FBXL5: variants seen among roughly 807,000 people sequenced by gnomAD.
FBXL5 encodes the protein F-box and leucine rich repeat protein 5.
A neutral mutation model predicts 78.3 loss-of-function variants in FBXL5; 26 were observed. The ratio of observed to expected loss-of-function variants is 0.33; its 90% CI spans 0.24 to 0.46. The LOEUF is 0.46. Ranked by LOEUF, FBXL5 falls within the 20% of genes least tolerant of loss-of-function variation. The pLI is 1.00. For synonymous variants in FBXL5, 295 were observed against 282.5 expected (o/e 1.04, Z -0.45); for missense variants, 710 against 829.2 (o/e 0.86, Z 1.77).
intron 10 of FBXL5, among the ~76,000 whole-genome samples, chr4:15,608,613 A>C (rs1042901831): frequency 7.3e-5 from 11 of 151,614 alleles, no homozygotes; most frequent in Non-Finnish European, 1.2e-4. Context: ...AAGAACTCTG[A>C]ATACATTTTA....
intron 1 of FBXL5, among the ~76,000 whole-genome samples, chr4:15,668,678 A>G (rs1284630301): frequency 6.6e-6 from 1 of 152,214 alleles, no homozygotes; most frequent in African/African-American, 2.4e-5. Flanking sequence ...AAATTAAAAA[A>G]GCTATTTGGA....
intron 1 of FBXL5, among the ~76,000 whole-genome samples, chr4:15,652,484 T>C (rs1390731419): frequency 6.6e-6 from 1 of 152,152 alleles, no homozygotes; most frequent in Non-Finnish European, 1.5e-5. Context: ...AACCTTTCCA[T>C]AAAACTTTTT....
Position 15,624,526 on chromosome 4 carries a change from C to G in FBXL5, c.1850+726G>C, listed in dbSNP as rs534513442. Among the ~76,000 whole-genome samples, 427 of 151,550 alleles carry G rather than the reference C, an allele frequency of 2.8e-3. 1 individual carries two copies. The highest frequency in any genetic ancestry group is 4.7e-3 in the Admixed American group (72 of 15,214). On this transcript the variant is annotated intron_variant, in intron 9 of 10. Transcript: ENST00000341285. Reference sequence around the variant, plus strand: ...GGTGGGTCCTATAAAACATATAGAACCTAGCTGCTGAAAAGAGCTACCTGT... The same window carrying G: ...GGTGGGTCCTATAAAACATATAGAAGCTAGCTGCTGAAAAGAGCTACCTGT...
intron 7 of FBXL5, among the ~76,000 whole-genome samples, 174 bp from the exon 8 acceptor site, chr4:15,627,129 C>CTTTTT (rs1491071832): frequency 3.5e-5 from 3 of 85,658 alleles, no homozygotes; most frequent in Admixed American, 1.4e-4. Context: ...CCCTGAGAAT[C>CTTTTT]TCTTTTTTTT....
At chr4:15,635,691 T>C (rs918094729) in intron 5 of FBXL5, among the ~76,000 whole-genome samples, 1 of 148,894 alleles carries the variant, frequency 6.7e-6, no homozygotes, top group African/African-American at 2.5e-5. Context: ...AGGCAGAGGT[T>C]GCAGCGACCC....
At chr4:15,655,647 G>A (rs1371069622), upstream of FBXL5, among the ~76,000 whole-genome samples, 1 of 152,210 alleles carries the variant, frequency 6.6e-6, no homozygotes, top group Non-Finnish European at 1.5e-5. Context: ...CGCTCTCGGC[G>A]CTTCTCCCGT....
chr4:15,627,977 G>A lies in FBXL5; in HGVS notation c.949C>T (p.Leu317Phe), dbSNP rs370044143. Residue 317 changes from leucine (L) to phenylalanine (F), a missense_variant, in exon 7 of 11, where the codon CTC becomes TTC. Transcript: ENST00000341285. ...ISIAQMEKRL[L>F]HGLIHNVLPY... ...AGAACGTTATGAATTAAGCCATGGA[G>A]TAAACGTTTTTCCATTTGTGCAATG... is the stretch of plus-strand genomic sequence containing the variant. 1.5e-5 allele frequency: 24 copies of A among 1,613,452 alleles called. No individual in the cohort carries two copies. In the African/African-American group the frequency reaches 2.1e-4, roughly 14 times the overall value.
chr4:15,619,841 G>T (rs1577433133), intron 9 of FBXL5, among the ~76,000 whole-genome samples: 1 of 152,046 alleles, frequency 6.6e-6, no homozygotes, highest in Non-Finnish European at 1.5e-5. Context: ...AAAGTAAAAG[G>T]AGTAAGTAAA....
At chr4:15,619,938 A>C (rs1001051193) in intron 9 of FBXL5, among the ~76,000 whole-genome samples, 2 of 152,152 alleles carry the variant, frequency 1.3e-5, no homozygotes, top group Non-Finnish European at 2.9e-5. Flanking sequence ...GGCCAAGTAC[A>C]CATGCCAATA....
chr4:15,642,289 G>A (rs1300694865), intron 2 of FBXL5, among the ~76,000 whole-genome samples: 2 of 150,832 alleles, frequency 1.3e-5, no homozygotes, highest in Non-Finnish European at 2.9e-5. Flanking sequence ...TGCCCAGGCT[G>A]GAATGCAGTG....
upstream of FBXL5, among the ~76,000 whole-genome samples, chr4:15,657,575 G>T (rs1717064068): frequency 6.6e-6 from 1 of 152,172 alleles, no homozygotes. Flanking sequence ...CTGAAAAGTA[G>T]TAACAGCCAC....
At chr4:15,669,453 G>A (rs1386222432) in intron 1 of FBXL5, among the ~76,000 whole-genome samples, 1 of 152,124 alleles carries the variant, frequency 6.6e-6, no homozygotes, top group East Asian at 1.9e-4. Flanking sequence ...TTCAGGAATA[G>A]AATATCTATT....
At chr4:15,659,547 T>G (rs141859116), upstream of FBXL5, among the ~76,000 whole-genome samples, 185 of 152,316 alleles carry the variant, frequency 1.2e-3, 2 homozygotes, top group African/African-American at 4.0e-3. Flanking sequence ...TGTCCAAATA[T>G]AGAGTAGTCC....
intron 4 of FBXL5, among the ~76,000 whole-genome samples, chr4:15,638,087 A>G (rs1714468639): frequency 6.6e-6 from 1 of 152,158 alleles, no homozygotes; most frequent in Non-Finnish European, 1.5e-5. Context: ...AAAACCAATG[A>G]AAAAAACACA....
At chr4:15,626,225 G>T (rs1713047720) in intron 8 of FBXL5, among the ~76,000 whole-genome samples, 1 of 152,122 alleles carries the variant, frequency 6.6e-6, no homozygotes, top group Non-Finnish European at 1.5e-5. Context: ...CGTAAGGATT[G>T]GAAGACTTAA....
intron 10 of FBXL5, among the ~76,000 whole-genome samples, chr4:15,609,871 T>C (rs894105362): frequency 1.3e-5 from 2 of 152,082 alleles, no homozygotes; most frequent in African/African-American, 4.8e-5. Flanking sequence ...TCTCTGCTAA[T>C]GCTTGGAAAA....
At chr4:15,667,144 A>G (rs1717581035) in intron 1 of FBXL5, among the ~76,000 whole-genome samples, 1 of 152,198 alleles carries the variant, frequency 6.6e-6, no homozygotes, top group Non-Finnish European at 1.5e-5. Flanking sequence ...GATTTGAATC[A>G]TGGGACAGTG....
chr4:15,675,345 A>C (rs1717944929), intron 1 of FBXL5, among the ~76,000 whole-genome samples: 1 of 152,232 alleles, frequency 6.6e-6, no homozygotes, highest in Non-Finnish European at 1.5e-5. Context: ...AGTACCACAA[A>C]TAAAAATTAT....
rs555643420 is a variant in FBXL5 at position 15,630,837 on chromosome 4, T to C, written c.767-46A>G. On this transcript the variant is annotated intron_variant, in intron 5 of 10. Coordinates refer to ENST00000341285, the MANE Select transcript of FBXL5 (RefSeq NM_012161.4). ...TAAAAGGTTCAAAATAATATCAGAT[T>C]GCCTGCAATTATGAAAAACTAAGCT... is the stretch of plus-strand genomic sequence containing the variant. The C allele has an allele frequency of 5.0e-6, 8 of 1,604,708 alleles. No individual in the cohort carries two copies. In the South Asian group the frequency reaches 6.7e-5, roughly 13 times the overall value.
Sources: gnomAD v4.1 joint callset for allele counts (sites outside exome capture counted in the v4.1 genomes callset) on GRCh38, gnomAD v4.1.1 for gene constraint, MANE v1.5 for transcripts, NCBI Gene and HGNC (gene_info 2026-07-23, HGNC 2026-07-21) for gene names.